Variants in ACTL6A observed in about 807,000 individuals in gnomAD.
The protein encoded by ACTL6A is actin-like protein 6A.
ACTL6A carries 5 observed loss-of-function variants against 59.2 expected under a neutral mutation model. The observed-to-expected ratio is 0.08, with a 90% CI of 0.04 to 0.18. The LOEUF (loss-of-function observed/expected upper bound fraction) is 0.18, where lower values mean the gene tolerates loss of function less well. Among genes scored for constraint, ACTL6A ranks in the 10% least tolerant of loss-of-function variants. The probability of loss-of-function intolerance (pLI) is 1.00; values close to 1 mark genes in which losing one functional copy is unlikely to be tolerated. For synonymous variants in ACTL6A, 154 were observed against 171.8 expected (o/e 0.90, Z 0.81); for missense variants, 285 against 526.9 (o/e 0.54, Z 4.49).
At position 179,580,976 on chromosome 3, in the gene ACTL6A, C is replaced by T; in HGVS notation, c.913C>T (p.Pro305Ser). 1.3e-6 allele frequency: 2 copies of T among 1,585,830 alleles called. No homozygotes were observed. Among genetic ancestry groups the T allele is most frequent in the Non-Finnish European group, 1.7e-6 (2 of 1,173,430 alleles). ...CDFGAERLKI[P>S]EGLFDPSNVK... ...TTTTGGTGCAGAGCGGCTAAAGATT[C>T]CAGAAGGATTATTTGACCCTTCCAA... Residue 305 changes from proline to serine, a missense_variant, in exon 10 of 14, where the codon CCA becomes TCA. Physicochemically the swap from Pro to Ser is moderately conservative, Grantham distance 74. Transcript: ENST00000429709.
rs369110477 is a variant in ACTL6A at position 179,569,815 on chromosome 3, T to C, written c.26-9T>C. 1.6e-4 allele frequency: 251 copies of C among 1,613,026 alleles called. 1 individual carries two copies. Among genetic ancestry groups the C allele is most frequent in the Non-Finnish European group, 2.0e-4 (235 of 1,179,092 alleles). ...AGCTGTTAATGCTAATTATCTTTAA[T>C]CTTTTCAGATGAAGTTGGAGCCCTT... On this transcript the variant is annotated splice_polypyrimidine_tract_variant and intron_variant, in intron 1 of 13. Coordinates refer to ENST00000429709, the MANE Select transcript of ACTL6A (RefSeq NM_004301.5).
intron 8 of ACTL6A, among the ~76,000 whole-genome samples, chr3:179,578,804 C>T (rs1186469534): frequency 6.6e-6 from 1 of 152,140 alleles, no homozygotes; most frequent in Non-Finnish European, 1.5e-5. Context: ...CTTGCTTTGT[C>T]ACCCAGGCTG....
intron 5 of ACTL6A, 63 bp from the exon 6 acceptor site, chr3:179,576,154 C>G (rs903945100): frequency 8.7e-7 from 1 of 1,153,172 alleles, no homozygotes; most frequent in Admixed American, 1.7e-5. Context: ...AAGAGCCTGC[C>G]CTTTACAATA....
At chr3:179,586,901 C>A (rs776167427) in intron 13 of ACTL6A, among the ~76,000 whole-genome samples, 1 of 152,090 alleles carries the variant, frequency 6.6e-6, no homozygotes, top group Non-Finnish European at 1.5e-5. Context: ...TCTAATAATA[C>A]CCCCATTGGC....
intron 1 of ACTL6A, among the ~76,000 whole-genome samples, chr3:179,565,446 T>C (rs1388608036): frequency 6.7e-6 from 1 of 149,566 alleles, no homozygotes; most frequent in Non-Finnish European, 1.5e-5. Flanking sequence ...GTGTTATATA[T>C]GTTATATATA....
At chr3:179,574,639 TA>T in intron 5 of ACTL6A, 172 bp downstream of exon 5, 3 of 589,486 alleles carry the variant, frequency 5.1e-6, no homozygotes, top group Non-Finnish European at 9.2e-6. Flanking sequence ...GAACTGATGA[TA>T]CACCAGAAGG....
intron 3 of ACTL6A, among the ~76,000 whole-genome samples, chr3:179,572,280 G>A (rs1718030785): frequency 6.6e-6 from 1 of 152,104 alleles, no homozygotes; most frequent in South Asian, 2.1e-4. Flanking sequence ...AAAGTTTCTG[G>A]AAGCATAAAA....
chr3:179,586,467 G>GA (rs1169987638), intron 12 of ACTL6A, 79 bp from the exon 13 acceptor site: 9,412 of 748,142 alleles, frequency 0.013, no homozygotes, highest in Non-Finnish European at 0.015. Flanking sequence ...GTCTCTATTT[G>GA]AAAAAAAAAA....
At chr3:179,566,424 T>G (rs538632358) in intron 1 of ACTL6A, among the ~76,000 whole-genome samples, 51 of 152,340 alleles carry the variant, frequency 3.3e-4, no homozygotes, top group African/African-American at 1.2e-3. Context: ...TATAAACATT[T>G]AAAAACATTC....
chr3:179,587,921 A>G lies in ACTL6A; in HGVS notation c.1210-9A>G, dbSNP rs762890819. 17 of 1,591,056 alleles carry G rather than the reference A, an allele frequency of 1.1e-5. No homozygotes were observed. The highest frequency in any genetic ancestry group is 1.4e-5 in the Non-Finnish European group (17 of 1,173,980). ...GGCATAATTATATAAATTTCTTTCC[A>G]TTTTACAGGGTACCTTTCAACAGAT... On this transcript the variant is annotated splice_polypyrimidine_tract_variant and intron_variant, in intron 13 of 13. Coordinates refer to ENST00000429709, the MANE Select transcript of ACTL6A (RefSeq NM_004301.5).
chr3:179,588,250 A>G lies in ACTL6A; in HGVS notation c.*240A>G, dbSNP rs17770127. On this transcript the variant is annotated 3_prime_UTR_variant, in exon 14 of 14. Coordinates refer to ENST00000429709, the MANE Select transcript of ACTL6A (RefSeq NM_004301.5). ...TTGTATAAATGTCTATTTTCTCTAAATATTTTGCTTTCAGTAAAATGCTTT... is the reference window on the plus strand; with the variant it reads ...TTGTATAAATGTCTATTTTCTCTAAGTATTTTGCTTTCAGTAAAATGCTTT... 6.9e-3 allele frequency: 2,550 copies of G among 369,914 alleles called. 20 individuals carry two copies. The highest frequency in any genetic ancestry group is 8.3e-3 in the Non-Finnish European group (1,752 of 210,784). 22.9% of individuals were successfully genotyped at this position (369,914 alleles called of 1,614,324 possible).
At chr3:179,577,770 T>C (rs1013325923) in intron 8 of ACTL6A, among the ~76,000 whole-genome samples, 1 of 152,068 alleles carries the variant, frequency 6.6e-6, no homozygotes, top group African/African-American at 2.4e-5. Flanking sequence ...CTGAGGATAA[T>C]GGCCTCCAGC....
Position 179,570,870 on chromosome 3 carries a change from G to T in ACTL6A, c.277+629G>T, listed in dbSNP as rs1277831357. Among the ~76,000 whole-genome samples the T allele has an allele frequency of 6.6e-6, 1 of 152,120 alleles. No individual in the cohort carries two copies. Among genetic ancestry groups the T allele is most frequent in the Non-Finnish European group, 1.5e-5 (1 of 68,032 alleles). ...TAGTGACTGAAGGATAACCCCAAAGGAATTTAAACAGATGTGATGGTCAGA... is the reference window on the plus strand; with the variant it reads ...TAGTGACTGAAGGATAACCCCAAAGTAATTTAAACAGATGTGATGGTCAGA... On this transcript the variant is annotated intron_variant, in intron 3 of 13. Coordinates refer to ENST00000429709, the MANE Select transcript of ACTL6A (RefSeq NM_004301.5). The surrounding 1 kb of genome is among the most constrained non-coding windows in gnomAD (Gnocchi z 4.3).
intron 8 of ACTL6A, among the ~76,000 whole-genome samples, chr3:179,579,455 T>TACACACACACACACACACACACAC (rs10650822): frequency 1.9e-4 from 28 of 145,148 alleles, no homozygotes; most frequent in South Asian, 6.7e-4. Flanking sequence ...TTATATCATA[T>TACACACACACACACACACACACAC]ACACACACAC....
intron 5 of ACTL6A, chr3:179,575,469 T>C (rs924204946): frequency 6.6e-6 from 3 of 456,638 alleles, no homozygotes; most frequent in Admixed American, 2.3e-5. Flanking sequence ...GGTGCACCAT[T>C]GTGTGTCTAC....
intron 8 of ACTL6A, 77 bp downstream of exon 8, chr3:179,576,990 G>T: frequency 1.8e-6 from 2 of 1,111,570 alleles, no homozygotes; most frequent in South Asian, 1.7e-5. Flanking sequence ...TATATAGGCT[G>T]TAAATCCTTG....
At chr3:179,586,315 A>G (rs1315724447) in intron 12 of ACTL6A, among the ~76,000 whole-genome samples, 1 of 152,008 alleles carries the variant, frequency 6.6e-6, no homozygotes, top group Non-Finnish European at 1.5e-5. Flanking sequence ...GGGAGCCATT[A>G]TGAAGTCTGT....
In ACTL6A at chr3:179,563,003, G is replaced by A; in HGVS notation, c.-90G>A. ...GTGGCGGTGGAAGTTAAGGGAGTCAGGGGCTATCGCTCCTCGAGACTCGCA... is the reference window on the plus strand; with the variant it reads ...GTGGCGGTGGAAGTTAAGGGAGTCAAGGGCTATCGCTCCTCGAGACTCGCA... On this transcript the variant is annotated 5_prime_UTR_variant, in exon 1 of 14. Transcript: ENST00000429709. 1 of 1,540,506 alleles carries A rather than the reference G, an allele frequency of 6.5e-7. No homozygotes were observed.
At chr3:179,571,778 G>A (rs1718015857) in intron 3 of ACTL6A, among the ~76,000 whole-genome samples, 1 of 152,220 alleles carries the variant, frequency 6.6e-6, no homozygotes, top group Admixed American at 6.5e-5. Flanking sequence ...TACCTGGCAT[G>A]TAACAAAATT....
Sources: allele counts gnomAD v4.1 joint callset (sites outside exome capture counted in the v4.1 genomes callset), GRCh38; gene constraint gnomAD v4.1.1; non-coding constraint Gnocchi (gnomAD v3.1); transcripts MANE v1.5; gene names NCBI Gene and HGNC (gene_info 2026-07-23, HGNC 2026-07-21).